DYSF: variants seen among roughly 807,000 people sequenced by gnomAD.
DYSF encodes the protein dystrophy-associated fer-1-like 1.
In DYSF, 212 loss-of-function variants were observed where a neutral mutation model predicts 274.9. The ratio of observed to expected loss-of-function variants is 0.77; its 90% CI spans 0.69 to 0.86. The LOEUF (loss-of-function observed/expected upper bound fraction) is 0.86, where lower values mean the gene tolerates loss of function less well. Among genes scored for constraint, DYSF ranks in the 40% least tolerant of loss-of-function variants. DYSF has a pLI of 0.00. For missense variants in DYSF, 2,666 were observed against 2,783.2 expected (o/e 0.96, Z 0.95); for synonymous variants, 1,091 against 1,078.7 (o/e 1.01, Z -0.22).
intron 41 of DYSF, among the ~76,000 whole-genome samples, chr2:71,634,461 T>C (rs2094363544): frequency 6.6e-6 from 1 of 152,170 alleles, no homozygotes; most frequent in South Asian, 2.1e-4. Flanking sequence ...TTCTTATGGC[T>C]GTGCTAACTT....
chr2:71,686,397 T>C (rs936718874), intron 55 of DYSF, 57 bp from the exon 56 acceptor site: 11 of 1,606,700 alleles, frequency 6.8e-6, no homozygotes, highest in Admixed American at 1.7e-5. Flanking sequence ...ACAGCTGCTC[T>C]GGCTGTGCCT....
intron 29 of DYSF, among the ~76,000 whole-genome samples, chr2:71,571,113 C>T (rs1459559493): frequency 6.7e-6 from 1 of 148,292 alleles, no homozygotes; most frequent in Admixed American, 6.6e-5. Flanking sequence ...ACCCAGCACA[C>T]AGATCACACC....
At chr2:71,555,943 C>A (rs2091305227) in intron 21 of DYSF, 22 bp from the exon 22 acceptor site, 4 of 1,546,948 alleles carry the variant, frequency 2.6e-6, no homozygotes, top group Non-Finnish European at 3.5e-6. Context: ...ACACACCTGA[C>A]CCTTGCCTGC....
At chr2:71,619,928 T>C (rs2094054853) in intron 40 of DYSF, among the ~76,000 whole-genome samples, 1 of 152,184 alleles carries the variant, frequency 6.6e-6, no homozygotes, top group Non-Finnish European at 1.5e-5. Flanking sequence ...TGGGAGATTG[T>C]AGGCAAGGAG....
chr2:71,540,516 C>T (rs1257658598), intron 17 of DYSF, among the ~76,000 whole-genome samples: 1 of 152,052 alleles, frequency 6.6e-6, no homozygotes, highest in Non-Finnish European at 1.5e-5. Context: ...TTGCTATACC[C>T]TCCCCAACAC....
chr2:71,554,008 C>A, intron 21 of DYSF, 77 bp downstream of exon 21: 1 of 1,602,814 alleles, frequency 6.2e-7, no homozygotes, highest in Non-Finnish European at 8.5e-7. Flanking sequence ...TGTCTCAGAC[C>A]ACCACCCACT....
At chr2:71,453,868 C>G in exon 1 of DYSF, 1 of 902,754 alleles carries the variant, frequency 1.1e-6, no homozygotes, top group Non-Finnish European at 1.8e-6. Flanking sequence ...AAGCCAGGAG[C>G]CAGAGATTCG....
chr2:71,614,545 G>A (rs1003189115), intron 40 of DYSF, among the ~76,000 whole-genome samples: 3 of 152,142 alleles, frequency 2.0e-5, no homozygotes, highest in African/African-American at 7.2e-5. Flanking sequence ...TCGCTTCTTT[G>A]GGGGAGTCTT....
intron 1 of DYSF, among the ~76,000 whole-genome samples, chr2:71,460,847 A>G (rs1419287928): frequency 1.3e-5 from 2 of 150,174 alleles, no homozygotes; most frequent in African/African-American, 2.4e-5. Context: ...ACAGATTTCC[A>G]TTTCCTGTGG....
At chr2:71,662,600 C>T (rs981400473) in intron 45 of DYSF, among the ~76,000 whole-genome samples, 1 of 137,982 alleles carries the variant, frequency 7.2e-6, no homozygotes, top group Non-Finnish European at 1.6e-5. Context: ...TAGGTGTATG[C>T]GTCTGTGTGT....
chr2:71,454,808 A>G (rs147620830), intron 1 of DYSF, among the ~76,000 whole-genome samples: 1 of 152,108 alleles, frequency 6.6e-6, no homozygotes, highest in Non-Finnish European at 1.5e-5. Context: ...GGGCCTTCAT[A>G]GAGTTATGAC....
At chr2:71,639,706 A>T (rs1369018113) in intron 41 of DYSF, among the ~76,000 whole-genome samples, 1 of 152,180 alleles carries the variant, frequency 6.6e-6, no homozygotes, top group Admixed American at 6.5e-5. Context: ...TAAAATCTTT[A>T]TGCATATCCA....
At chr2:71,493,534 G>C (rs2084068816) in intron 3 of DYSF, among the ~76,000 whole-genome samples, 1 of 152,206 alleles carries the variant, frequency 6.6e-6, no homozygotes. Context: ...TAAACCACAT[G>C]AGTATTTAAG....
At chr2:71,686,191 C>T (rs895404702) in intron 55 of DYSF, among the ~76,000 whole-genome samples, 3 of 152,076 alleles carry the variant, frequency 2.0e-5, no homozygotes, top group Non-Finnish European at 4.4e-5. Flanking sequence ...TGGGAGGGTG[C>T]GGGTGGAGTT....
At chr2:71,548,868 C>G (rs1212113109) in intron 17 of DYSF, among the ~76,000 whole-genome samples, 1 of 152,186 alleles carries the variant, frequency 6.6e-6, no homozygotes, top group Non-Finnish European at 1.5e-5. Flanking sequence ...GCTCGGCGCG[C>G]CTGGTCCCAA....
At chr2:71,583,389 G>A (rs1044693486) in intron 30 of DYSF, among the ~76,000 whole-genome samples, 3 of 152,180 alleles carry the variant, frequency 2.0e-5, no homozygotes, top group Non-Finnish European at 4.4e-5. Flanking sequence ...GTGAAGGAGG[G>A]TAGCCAGCCT....
At chr2:71,650,083 C>A (rs550140237) in intron 42 of DYSF, among the ~76,000 whole-genome samples, 4 of 152,264 alleles carry the variant, frequency 2.6e-5, no homozygotes, top group South Asian at 2.1e-4. Flanking sequence ...TCAATACTTA[C>A]AAAACACAAC....
upstream of DYSF, among the ~76,000 whole-genome samples, chr2:71,464,809 C>T (rs147082588): frequency 1.6e-4 from 24 of 152,222 alleles, no homozygotes; most frequent in South Asian, 1.0e-3. Context: ...GAGCAGGAGA[C>T]GCATTGGGAG....
At chr2:71,542,637 C>A (rs986903215) in intron 17 of DYSF, among the ~76,000 whole-genome samples, 3 of 152,172 alleles carry the variant, frequency 2.0e-5, no homozygotes, top group Admixed American at 6.5e-5. Context: ...CGCCCTTAAT[C>A]CATTTAACCC....
Sources: gnomAD v4.1 joint callset for allele counts (sites outside exome capture counted in the v4.1 genomes callset) on GRCh38, gnomAD v4.1.1 for gene constraint, MANE v1.5 for transcripts, NCBI Gene and HGNC (gene_info 2026-07-23, HGNC 2026-07-21) for gene names.